The following ASPSCR1 variants were observed in gnomAD, a reference collection of about 807,000 sequenced individuals.
ASPSCR1 encodes ASPSCR1 tether for SLC2A4, UBX domain containing.
Under a neutral mutation model 68.9 loss-of-function variants are expected in ASPSCR1, and 55 were observed. That is an observed-to-expected ratio of 0.80 (90% confidence interval 0.64 to 1.00). The LOEUF (loss-of-function observed/expected upper bound fraction) is 1.00. Among genes scored for constraint, ASPSCR1 ranks in the 50% least tolerant of loss-of-function variants. The pLI, the probability that ASPSCR1 is intolerant of heterozygous loss-of-function variation, is 0.00. For synonymous variants in ASPSCR1, 352 were observed against 332.6 expected (o/e 1.06, Z -0.63); for missense variants, 765 against 762.2 (o/e 1.00, Z -0.04).
intron 6 of ASPSCR1, 22 bp from the exon 7 acceptor site, chr17:81,996,398 C>T: frequency 7.0e-6 from 11 of 1,561,818 alleles, no homozygotes; most frequent in Non-Finnish European, 9.6e-6. Context: ...AGGTGCTTCC[C>T]TTGTCCTCTG....
In ASPSCR1 at chr17:81,987,434, C is replaced by T. The variant is rs2042031712; in HGVS notation, c.374+1827C>T. 6.6e-6 allele frequency among the ~76,000 whole-genome samples: 1 copy of T among 152,210 alleles called. No individual in the cohort carries two copies. Among genetic ancestry groups the T allele is most frequent in the African/African-American group, 2.4e-5 (1 of 41,458 alleles). ...AAAGATGAACGTCTGGAAGGAAATG[C>T]CCCTGGGCCGGGCGGTGCCCCCGGG... is the stretch of plus-strand genomic sequence containing the variant. On this transcript the variant is annotated intron_variant, in intron 4 of 15. Transcript: ENST00000306739. The surrounding 1 kb of genome is among the most constrained non-coding windows in gnomAD (Gnocchi z 5.6).
At chr17:81,984,762 C>A (rs1444562784) in intron 3 of ASPSCR1, among the ~76,000 whole-genome samples, 2 of 151,738 alleles carry the variant, frequency 1.3e-5, no homozygotes, top group East Asian at 3.9e-4. Flanking sequence ...TCCTGTGGCG[C>A]CTGCATGTAC....
rs2042331849 is a variant in ASPSCR1, at chr17:81,996,209, G to T, written c.506+144G>T. The T allele has an allele frequency of 4.5e-6, 6 of 1,335,498 alleles. No homozygotes were observed. The African/African-American group carries it at 5.9e-5, about 13-fold the overall frequency. 82.7% of individuals were successfully genotyped at this position (1,335,498 alleles called of 1,614,324 possible). ...GGAGAGCGCCTGGTGGCCTCTGCCT[G>T]CCTGTGGGCGTGGGGGCTGGGCTGC... On this transcript the variant is annotated intron_variant, in intron 6 of 15. Coordinates refer to ENST00000306739, the MANE Select transcript of ASPSCR1 (RefSeq NM_024083.4).
chr17:82,012,563 G>A (rs1326726924), intron 12 of ASPSCR1, among the ~76,000 whole-genome samples: 1 of 152,194 alleles, frequency 6.6e-6, no homozygotes, highest in Non-Finnish European at 1.5e-5. Context: ...GCCCCCCTGG[G>A]CTGCTGTGCT....
chr17:81,999,811 G>A lies in ASPSCR1; in HGVS notation c.933+2965G>A, dbSNP rs974308870. The stretch of plus-strand genomic sequence containing the variant: ...ACCTCATGCCTCCCTCTTGCCTCCC[G>A]GCCACACACCTGGGAGGGCAGAGGC... On this transcript the variant is annotated intron_variant, in intron 7 of 15. Coordinates refer to ENST00000306739, the MANE Select transcript of ASPSCR1 (RefSeq NM_024083.4). The surrounding 1 kb of genome is among the most constrained non-coding windows in gnomAD (Gnocchi z 4.4). Among the ~76,000 whole-genome samples, 2 of 152,042 alleles carry A rather than the reference G, an allele frequency of 1.3e-5. No individual in the cohort carries two copies.
intron 4 of ASPSCR1, among the ~76,000 whole-genome samples, chr17:81,991,805 G>A (rs555033895): frequency 6.6e-6 from 1 of 152,376 alleles, no homozygotes; most frequent in Non-Finnish European, 1.5e-5. Flanking sequence ...GGCGCATGCT[G>A]CTGCCTGGGC....
At chr17:81,989,932 C>G (rs529910329) in intron 4 of ASPSCR1, among the ~76,000 whole-genome samples, 1 of 152,192 alleles carries the variant, frequency 6.6e-6, no homozygotes, top group Non-Finnish European at 1.5e-5. Flanking sequence ...GGATTACTGG[C>G]GCACGCCATC....
chr17:81,999,959 G>C lies in ASPSCR1; in HGVS notation c.933+3113G>C, dbSNP rs1385714019. On this transcript the variant is annotated intron_variant, in intron 7 of 15. Transcript: ENST00000306739. The surrounding 1 kb of genome is among the most constrained non-coding windows in gnomAD (Gnocchi z 4.4). ...TTCCTGTTGAGTGGACAAGGGAGTG[G>C]GGAGTGAGGGTGTTGGGTCCATTCT... 6.6e-6 allele frequency among the ~76,000 whole-genome samples: 1 copy of C among 152,216 alleles called. No homozygotes were observed. The highest frequency in any genetic ancestry group is 1.5e-5 in the Non-Finnish European group (1 of 68,036).
At chr17:82,013,512 G>A (rs997127453) in intron 12 of ASPSCR1, 1 of 152,318 alleles carries the variant, frequency 6.6e-6, no homozygotes, top group Non-Finnish European at 1.5e-5. Context: ...CAGAGAGCTG[G>A]CGGGGCTGAG....
rs144193916 is a variant in ASPSCR1, at chr17:82,009,084, C to G, written c.981C>G (p.Pro327=). ...PVDREPVVCH[P]DLEERLQAWP... Reference sequence around the variant, plus strand: ...ACCGGGAGCCGGTGGTGTGCCACCCCGACCTGGAGGAGCGGCTGCAGGCCT... The same window carrying G: ...ACCGGGAGCCGGTGGTGTGCCACCCGGACCTGGAGGAGCGGCTGCAGGCCT... The change falls in exon 8 of 16, where the codon CCC becomes CCG. Residue 327 remains proline (P), a synonymous_variant. Coordinates refer to ENST00000306739, the MANE Select transcript of ASPSCR1 (RefSeq NM_024083.4). The G allele has an allele frequency of 1.9e-6, 3 of 1,579,730 alleles. No homozygotes were observed. Among genetic ancestry groups the G allele is most frequent in the South Asian group, 1.1e-5 (1 of 87,154 alleles).
At position 82,012,292 on chromosome 17, in the gene ASPSCR1, G is replaced by C; in HGVS notation, c.1353+9G>C. 1 of 1,612,890 alleles carries C rather than the reference G, an allele frequency of 6.2e-7. No individual in the cohort carries two copies. The highest frequency in any genetic ancestry group is 1.1e-5 in the South Asian group (1 of 91,074). On this transcript the variant is annotated intron_variant, in intron 12 of 15. Transcript: ENST00000306739. ...CGCAGACCCTCTTTCAGGTACCTGA[G>C]GGCCTCCCTGGGGTGCTGCGGGGCG...
At chr17:81,985,332 C>T (rs1410858632) in intron 3 of ASPSCR1, among the ~76,000 whole-genome samples, 175 bp from the exon 4 acceptor site, 1 of 152,190 alleles carries the variant, frequency 6.6e-6, no homozygotes, top group Non-Finnish European at 1.5e-5. Flanking sequence ...CGGGGAGCCT[C>T]CAAGGCCCTC....
chr17:81,997,778 C>T (rs1357429034), intron 7 of ASPSCR1, among the ~76,000 whole-genome samples: 3 of 151,860 alleles, frequency 2.0e-5, no homozygotes, highest in Admixed American at 6.6e-5. Context: ...CGTGAGCCAC[C>T]GCGCCCAGCT....
intron 13 of ASPSCR1, 83 bp from the exon 14 acceptor site, chr17:82,016,717 C>T: frequency 6.6e-7 from 1 of 1,512,234 alleles, no homozygotes; most frequent in Non-Finnish European, 8.9e-7. Flanking sequence ...CCTCCCAGAG[C>T]TGAGTGCTGG....
At chr17:82,003,871 G>C (rs1359453162) in intron 7 of ASPSCR1, among the ~76,000 whole-genome samples, 1 of 152,222 alleles carries the variant, frequency 6.6e-6, no homozygotes, top group Non-Finnish European at 1.5e-5. Flanking sequence ...TGAGTAACTC[G>C]GGAGGTTTGG....
Position 81,985,573 on chromosome 17 carries a change from C to G in ASPSCR1, c.340C>G (p.Leu114Val), listed in dbSNP as rs2041970313. 6.2e-7 allele frequency: 1 copy of G among 1,614,044 alleles called. No individual in the cohort carries two copies. Among genetic ancestry groups the G allele is most frequent in the Non-Finnish European group, 8.5e-7 (1 of 1,180,036 alleles). ...GGACTCTTTCTGTTCAGGCCAGACC[C>G]TCTGGGAGCTTCTCAGCCATTTTCC... ...LQDSFCSGQT[L>V]WELLSHFPQI... The change falls in exon 4 of 16, where the codon CTC (leucine) becomes GTC (valine). Residue 114 changes from leucine (L) to valine (V), a missense_variant. Physicochemically the swap from Leu to Val is conservative, Grantham distance 32. Transcript: ENST00000306739.
chr17:81,980,249 G>A (rs1430308640), intron 2 of ASPSCR1, among the ~76,000 whole-genome samples: 1 of 152,234 alleles, frequency 6.6e-6, no homozygotes, highest in Non-Finnish European at 1.5e-5. Flanking sequence ...CCAAAGTACT[G>A]GGATTACAGA....
At position 81,986,432 on chromosome 17, in the gene ASPSCR1, AAAAT is replaced by A. The variant is rs1006847112; in HGVS notation, c.374+837_374+840del. 6.6e-6 allele frequency among the ~76,000 whole-genome samples: 1 copy of A among 152,218 alleles called. No homozygotes were observed. Among genetic ancestry groups the A allele is most frequent in the Admixed American group, 6.5e-5 (1 of 15,282 alleles). On this transcript the variant is annotated intron_variant, in intron 4 of 15. Transcript: ENST00000306739. This position sits in a 1 kb window ranked among gnomAD's most constrained non-coding sequence, Gnocchi z 5.2. ...CAACAGAACGAGACTCTGTCTCAAA[AAAAT>A]AAATAAATAAAAATAAGTAATTGAT...
intron 2 of ASPSCR1, among the ~76,000 whole-genome samples, chr17:81,981,279 G>A (rs2143990621): frequency 6.6e-6 from 1 of 152,316 alleles, no homozygotes; most frequent in South Asian, 2.1e-4. Flanking sequence ...ACCCAGCCAT[G>A]GCCAGGAACT....
Sources: gnomAD v4.1 joint callset for allele counts (sites outside exome capture counted in the v4.1 genomes callset) on GRCh38, gnomAD v4.1.1 for gene constraint, Gnocchi (gnomAD v3.1) non-coding constraint, MANE v1.5 for transcripts, NCBI Gene and HGNC (gene_info 2026-07-23, HGNC 2026-07-21) for gene names.